Variants in BARX2 observed in about 807,000 individuals in gnomAD.
BARX2 encodes the protein BARX homeobox 2, also known as homeobox protein BarH-like 2.
In BARX2, 11 loss-of-function variants were observed where a neutral mutation model predicts 25.5. That is an observed-to-expected ratio of 0.43 (90% CI 0.27 to 0.71). The LOEUF is 0.71. Among genes scored for constraint, BARX2 ranks in the 30% least tolerant of loss-of-function variants. The probability of loss-of-function intolerance (pLI) is 0.19; values close to 1 mark genes in which losing one functional copy is unlikely to be tolerated. For missense variants in BARX2, 360 were observed against 359.9 expected (o/e 1.00, Z 0.00); for synonymous variants, 137 against 149.5 (o/e 0.92, Z 0.61).
chr11:129,423,636 TCAAAA>T (rs1300330525), intron 1 of BARX2, among the ~76,000 whole-genome samples: 1 of 152,172 alleles, frequency 6.6e-6, no homozygotes, highest in Non-Finnish European at 1.5e-5. Context: ...GGAGAAAGTT[TCAAAA>T]CTTATGTGAA....
At position 129,408,687 on chromosome 11, in the gene BARX2, C is replaced by T. The variant is rs367835164; in HGVS notation, c.188-28064C>T. On this transcript the variant is annotated intron_variant, in intron 1 of 3. Transcript: ENST00000281437. ...TTGGAGACTATCTCGGCCTCCCCAC[C>T]CTCAGCCTCCCCCATACATGCTCCA... is the stretch of plus-strand genomic sequence containing the variant. Among the ~76,000 whole-genome samples, 4 of 152,192 alleles carry T rather than the reference C, an allele frequency of 2.6e-5. No homozygotes were observed. In the East Asian group the frequency reaches 5.8e-4, roughly 22 times the overall value.
chr11:129,413,787 G>A (rs963652635), intron 1 of BARX2, among the ~76,000 whole-genome samples: 2 of 152,114 alleles, frequency 1.3e-5, no homozygotes, highest in Admixed American at 1.3e-4. Flanking sequence ...CAGTAGGCCG[G>A]GCGCAGTGGC....
chr11:129,387,384 C>G (rs773046645), intron 1 of BARX2, among the ~76,000 whole-genome samples: 1 of 152,172 alleles, frequency 6.6e-6, no homozygotes, highest in African/African-American at 2.4e-5. Flanking sequence ...CTTTTGAATC[C>G]TCTGTCTGGA....
rs78923566 is a variant in BARX2 at position 129,407,754 on chromosome 11, A to G, written c.188-28997A>G. Reference sequence around the variant, plus strand: ...TCCAGTAGGAAAGACATGCATAAACAGAAATTATCCATACAGTGTGGTAGG... The same window carrying G: ...TCCAGTAGGAAAGACATGCATAAACGGAAATTATCCATACAGTGTGGTAGG... On this transcript the variant is annotated intron_variant, in intron 1 of 3. Transcript: ENST00000281437. 8.3e-3 allele frequency among the ~76,000 whole-genome samples: 1,261 copies of G among 152,280 alleles called. 21 individuals are homozygous for G. Among genetic ancestry groups the G allele is most frequent in the African/African-American group, 0.029 (1,200 of 41,560 alleles).
In BARX2 at chr11:129,436,918, A is replaced by T; in HGVS notation, c.355A>T (p.Ser119Cys). ...EAPGGEALAS[S>C]ESETEQPTPR... ...CCCAGGGGGCGAGGCCCTAGCCAGCAGCGAGTCAGAGACGGAACAGCCCAC... is the reference window on the plus strand; with the variant it reads ...CCCAGGGGGCGAGGCCCTAGCCAGCTGCGAGTCAGAGACGGAACAGCCCAC... Residue 119 changes from serine (S) to cysteine (C), a missense_variant, in exon 2 of 4, where the codon AGC becomes TGC. By Grantham distance (112) the Ser-to-Cys change is moderately radical. Coordinates refer to ENST00000281437, the MANE Select transcript of BARX2 (RefSeq NM_003658.5). This position sits in a 1 kb window ranked among gnomAD's most constrained non-coding sequence, Gnocchi z 4.5. The T allele has an allele frequency of 6.2e-7, 1 of 1,613,924 alleles. No homozygotes were observed. The highest frequency in any genetic ancestry group is 2.2e-5 in the East Asian group (1 of 44,878).
At chr11:129,410,294 C>A (rs1215739514) in intron 1 of BARX2, among the ~76,000 whole-genome samples, 4 of 152,050 alleles carry the variant, frequency 2.6e-5, no homozygotes, top group Non-Finnish European at 5.9e-5. Flanking sequence ...AAAGTTATTT[C>A]TTGTTCTCGA....
chr11:129,451,293 G>C lies in BARX2; in HGVS notation c.731G>C (p.Cys244Ser). The change falls in exon 4 of 4, where the codon TGT (cysteine) becomes TCT (serine). Residue 244 changes from cysteine (C) to serine (S), a missense_variant. This residue lies in a region of BARX2 where 114 missense variants were observed against 109.4 expected (regional missense o/e 1.04). Transcript: ENST00000281437. ...CCCTCTCAGGGGCAGGAGGAGCTCT[G>C]TGAAGCACAGGAACCGAAAGCACGT... ...LEPSQGQEEL[C>S]EAQEPKARDV... 6.2e-7 allele frequency: 1 copy of C among 1,614,210 alleles called. No individual in the cohort carries two copies. The highest frequency in any genetic ancestry group is 8.5e-7 in the Non-Finnish European group (1 of 1,180,030).
At chr11:129,385,225 G>T (rs374213922) in intron 1 of BARX2, among the ~76,000 whole-genome samples, 2 of 152,140 alleles carry the variant, frequency 1.3e-5, no homozygotes, top group African/African-American at 4.8e-5. Context: ...GATTATTTTG[G>T]AGAGCAATTT....
chr11:129,397,817 G>C (rs994346121), intron 1 of BARX2, among the ~76,000 whole-genome samples: 50 of 152,236 alleles, frequency 3.3e-4, no homozygotes, highest in Admixed American at 1.8e-3. Flanking sequence ...GGCCCAGGGA[G>C]GGCAGCCTCT....
At chr11:129,437,103 G>A in intron 2 of BARX2, 52 bp downstream of exon 2, 1 of 1,474,888 alleles carries the variant, frequency 6.8e-7, no homozygotes, top group Non-Finnish European at 9.0e-7. Context: ...GGGAACGGGA[G>A]ACTTGCTCCC....
chr11:129,417,402 G>C (rs1861956950), intron 1 of BARX2, among the ~76,000 whole-genome samples: 1 of 152,204 alleles, frequency 6.6e-6, no homozygotes, highest in Admixed American at 6.5e-5. Flanking sequence ...GCGGTGAAGA[G>C]GGAAGGCAGA....
At chr11:129,407,189 G>C (rs1173961630) in intron 1 of BARX2, among the ~76,000 whole-genome samples, 1 of 152,182 alleles carries the variant, frequency 6.6e-6, no homozygotes, top group Non-Finnish European at 1.5e-5. Flanking sequence ...GTCTCTGCTT[G>C]AATACGGCTG....
Position 129,422,085 on chromosome 11 carries a change from G to T in BARX2, c.188-14666G>T, listed in dbSNP as rs535460726. ...CTTAGAGATGGGGTCTTGCTCTGTT[G>T]TCCAGGCTGGCCTCGATTGCCTGGC... is the stretch of plus-strand genomic sequence containing the variant. On this transcript the variant is annotated intron_variant, in intron 1 of 3. Transcript: ENST00000281437. 2.6e-5 allele frequency among the ~76,000 whole-genome samples: 4 copies of T among 152,118 alleles called. No individual in the cohort carries two copies. The South Asian group carries it at 8.3e-4, about 32-fold the overall frequency.
chr11:129,427,347 G>A (rs931104742), intron 1 of BARX2, among the ~76,000 whole-genome samples: 2 of 152,166 alleles, frequency 1.3e-5, no homozygotes, highest in Non-Finnish European at 2.9e-5. Context: ...CAGTTGGTAG[G>A]AACGGGAGCT....
At position 129,437,851 on chromosome 11, in the gene BARX2, A is replaced by ACC. The variant is rs1290697302; in HGVS notation, c.488+803_488+804dup. The stretch of plus-strand genomic sequence containing the variant: ...AGAGCAGCCTGGGCAACGTTGTGAG[A>ACC]CCCCGTCTCTACAAAAATTAAAATA... On this transcript the variant is annotated intron_variant, in intron 2 of 3. Coordinates refer to ENST00000281437, the MANE Select transcript of BARX2 (RefSeq NM_003658.5). The ACC allele has an allele frequency of 4.5e-4, 68 of 151,966 alleles. 1 individual carries two copies. The highest frequency in any genetic ancestry group is 1.5e-3 in the African/African-American group (64 of 41,378). The allele number at this position is 151,966 out of a possible 1,614,324, so 9.4% of individuals were successfully genotyped here.
At chr11:129,399,757 A>C (rs1020570471) in intron 1 of BARX2, among the ~76,000 whole-genome samples, 1 of 152,180 alleles carries the variant, frequency 6.6e-6, no homozygotes, top group Non-Finnish European at 1.5e-5. Context: ...AGGGTGATTT[A>C]TGCAGACATT....
chr11:129,382,280 G>A (rs1245873562), intron 1 of BARX2, among the ~76,000 whole-genome samples: 1 of 152,152 alleles, frequency 6.6e-6, no homozygotes, highest in East Asian at 1.9e-4. Context: ...CCGGGTTCAA[G>A]CGATCCTCCC....
intron 1 of BARX2, among the ~76,000 whole-genome samples, chr11:129,392,003 C>T (rs1459793485): frequency 6.6e-6 from 1 of 152,172 alleles, no homozygotes; most frequent in Non-Finnish European, 1.5e-5. Context: ...ACAATCACAT[C>T]GCCACAGCTC....
At chr11:129,451,088 GGGAA>G (rs1719357118) in intron 3 of BARX2, 44 bp from the exon 4 acceptor site, 6 of 1,590,290 alleles carry the variant, frequency 3.8e-6, no homozygotes, top group Non-Finnish European at 5.2e-6. Context: ...GAAAGGTGGA[GGGAA>G]GGAATTATTT....
Sources: gnomAD v4.1 joint callset for allele counts (sites outside exome capture counted in the v4.1 genomes callset) on GRCh38, gnomAD v4.1.1 for gene constraint, gnomAD v4.1.1 regional missense constraint, Gnocchi (gnomAD v3.1) non-coding constraint, MANE v1.5 for transcripts, NCBI Gene and HGNC (gene_info 2026-07-23, HGNC 2026-07-21) for gene names.